Variants in GRIN2B observed in about 807,000 individuals in gnomAD.
The protein encoded by GRIN2B is glutamate ionotropic receptor NMDA type subunit 2B, also known as glutamate receptor ionotropic, NMDA 2B.
In GRIN2B, 5 loss-of-function variants were observed where a neutral mutation model predicts 114.5. That is an observed-to-expected ratio of 0.04 (90% CI 0.02 to 0.09). The LOEUF (loss-of-function observed/expected upper bound fraction) is 0.09. Ranked by LOEUF, GRIN2B falls within the 10% of genes least tolerant of loss-of-function variation. The pLI, the probability that GRIN2B is intolerant of heterozygous loss-of-function variation, is 1.00. For missense variants in GRIN2B, 1,108 were observed against 1,943.5 expected, an observed-to-expected ratio of 0.57 and a Z score of 8.08; for synonymous variants, 787 against 745.1, an observed-to-expected ratio of 1.06 and a Z score of -0.92.
chr12:13,923,454 A>G (rs1280482942), intron 2 of GRIN2B, among the ~76,000 whole-genome samples: 1 of 152,236 alleles, frequency 6.6e-6, no homozygotes, highest in Non-Finnish European at 1.5e-5. Context: ...ATACCATTAA[A>G]GTTCTATATT....
intron 3 of GRIN2B, among the ~76,000 whole-genome samples, chr12:13,842,992 GT>G (rs530108457): frequency 1.0e-4 from 6 of 58,758 alleles, no homozygotes; most frequent in Admixed American, 1.9e-4. Context: ...GCGGTGTTTT[GT>G]TTTTTTTTAA....
rs545319163 is a variant in GRIN2B, at chr12:13,864,580, A to G, written c.411+1218T>C. On this transcript the variant is annotated intron_variant, in intron 3 of 13. Transcript: ENST00000609686. ...TGGCTGCAAAGGACAGTGCATATGT[A>G]CTAAGTGCTGTATCTAAGTAATGAA... Among the ~76,000 whole-genome samples the G allele has an allele frequency of 8.5e-5, 13 of 152,370 alleles. No homozygotes were observed. The South Asian group carries it at 2.7e-3, about 32-fold the overall frequency.
chr12:13,686,906 T>C (rs1230090785), intron 4 of GRIN2B, among the ~76,000 whole-genome samples: 5 of 152,168 alleles, frequency 3.3e-5, no homozygotes, highest in African/African-American at 1.2e-4. Context: ...CATGAAAAGA[T>C]TAATGCCCTC....
At chr12:13,738,490 T>C (rs1324662890) in intron 4 of GRIN2B, among the ~76,000 whole-genome samples, 1 of 152,158 alleles carries the variant, frequency 6.6e-6, no homozygotes, top group Middle Eastern at 3.2e-3. Context: ...AATAGACTCA[T>C]GAAGTACCAG....
At chr12:13,659,765 C>T (rs1949902402) in intron 5 of GRIN2B, among the ~76,000 whole-genome samples, 1 of 152,186 alleles carries the variant, frequency 6.6e-6, no homozygotes, top group South Asian at 2.1e-4. Context: ...TCAATAAAAT[C>T]ATGTTCTTCT....
In GRIN2B at chr12:13,563,735, C is replaced by G; in HGVS notation, c.3503G>C (p.Ser1168Thr). ...RSDDFKRDSV[S>T]GGGPCTNRSH... ...CCTGTTGGTACAGGGCCCTCCTCCG[C>G]TGACGGAGTCGCGCTTAAAGTCATC... The change falls in exon 14 of 14, where the codon AGC becomes ACC. Residue 1168 changes from serine to threonine, a missense_variant. Ser to Thr is a moderately conservative substitution (Grantham distance 58). Transcript: ENST00000609686. 6.2e-7 allele frequency: 1 copy of G among 1,613,914 alleles called. No individual in the cohort carries two copies.
At chr12:13,958,315 C>T (rs1383786582) in intron 2 of GRIN2B, among the ~76,000 whole-genome samples, 2 of 152,126 alleles carry the variant, frequency 1.3e-5, no homozygotes, top group South Asian at 2.1e-4. Flanking sequence ...CATGGGACCC[C>T]GGAATTCACA....
chr12:13,695,157 A>C (rs542266121), intron 4 of GRIN2B, among the ~76,000 whole-genome samples: 1 of 152,190 alleles, frequency 6.6e-6, no homozygotes, highest in African/African-American at 2.4e-5. Context: ...AAGAAAATAA[A>C]GGAATTTGTA....
chr12:13,786,423 T>C (rs1051984735), intron 3 of GRIN2B, among the ~76,000 whole-genome samples: 4 of 152,198 alleles, frequency 2.6e-5, no homozygotes, highest in African/African-American at 9.6e-5. Flanking sequence ...TCTCATTCTA[T>C]CCTACTTTAT....
intron 12 of GRIN2B, among the ~76,000 whole-genome samples, chr12:13,567,969 A>T (rs1172704747): frequency 6.6e-6 from 1 of 151,976 alleles, no homozygotes; most frequent in Non-Finnish European, 1.5e-5. Context: ...TGCAAAGCAG[A>T]TTGGGTAGGG....
At chr12:13,710,050 TTC>T (rs1950399178) in intron 4 of GRIN2B, among the ~76,000 whole-genome samples, 1 of 152,084 alleles carries the variant, frequency 6.6e-6, no homozygotes, top group South Asian at 2.1e-4. Context: ...AAACAATAAA[TTC>T]TGTTATATTC....
At chr12:13,708,907 G>C (rs1950388786) in intron 4 of GRIN2B, among the ~76,000 whole-genome samples, 1 of 152,042 alleles carries the variant, frequency 6.6e-6, no homozygotes, top group African/African-American at 2.4e-5. Context: ...ATAGAACAAA[G>C]ATCCTTGCCC....
intron 3 of GRIN2B, among the ~76,000 whole-genome samples, chr12:13,791,559 TTTC>T (rs1345728152): frequency 6.6e-6 from 1 of 152,174 alleles, no homozygotes; most frequent in African/African-American, 2.4e-5. Flanking sequence ...TTGCACTCTG[TTTC>T]TTATTGGGGT....
chr12:13,695,710 C>T (rs1950253746), intron 4 of GRIN2B, among the ~76,000 whole-genome samples: 1 of 152,158 alleles, frequency 6.6e-6, no homozygotes, highest in African/African-American at 2.4e-5. Flanking sequence ...TACCCAAGAA[C>T]AGTTTTCAAA....
chr12:13,706,547 A>G (rs1396982691), intron 4 of GRIN2B, among the ~76,000 whole-genome samples: 1 of 152,106 alleles, frequency 6.6e-6, no homozygotes, highest in African/African-American at 2.4e-5. Context: ...GCTTTATGCC[A>G]TGTTGCTGTA....
chr12:13,789,982 A>C (rs74067307), intron 3 of GRIN2B, among the ~76,000 whole-genome samples: 5,389 of 152,254 alleles, frequency 0.035, 115 homozygotes, highest in Middle Eastern at 0.061. Flanking sequence ...GCATGAGTTG[A>C]AAGCATCCTT....
chr12:13,608,861 G>T, intron 9 of GRIN2B, 29 bp from the exon 10 acceptor site: 1 of 1,540,188 alleles, frequency 6.5e-7, no homozygotes, highest in Non-Finnish European at 9.0e-7. Flanking sequence ...AAGGACGAAA[G>T]TTAAGCCATT....
chr12:13,602,143 C>A (rs1949169533), intron 10 of GRIN2B, among the ~76,000 whole-genome samples: 2 of 152,152 alleles, frequency 1.3e-5, no homozygotes, highest in Admixed American at 1.3e-4. Context: ...GTGTCCTCCC[C>A]CCTCTCATGT....
intron 2 of GRIN2B, among the ~76,000 whole-genome samples, chr12:13,890,216 C>T (rs370867950): frequency 1.1e-4 from 16 of 152,300 alleles, no homozygotes; most frequent in African/African-American, 3.6e-4. Flanking sequence ...TTTTGCCACT[C>T]CTTACAAAAT....
Sources: allele counts gnomAD v4.1 joint callset (sites outside exome capture counted in the v4.1 genomes callset), GRCh38; gene constraint gnomAD v4.1.1; transcripts MANE v1.5; gene names NCBI Gene and HGNC (gene_info 2026-07-23, HGNC 2026-07-21).